PLA2G5: variants seen among roughly 807,000 people sequenced by gnomAD.
The protein encoded by PLA2G5 is phospholipase A2 group V.
A neutral mutation model predicts 15.9 loss-of-function variants in PLA2G5; 12 were observed. The observed-to-expected ratio is 0.76, with a 90% CI of 0.48 to 1.23. PLA2G5 has a LOEUF of 1.23. PLA2G5 is among the 50% of genes most tolerant of loss of function. The pLI, the probability that PLA2G5 is intolerant of heterozygous loss-of-function variation, is 0.00. For synonymous variants in PLA2G5, 71 were observed against 71.4 expected (o/e 0.99, Z 0.03); for missense variants, 169 against 177.1 (o/e 0.95, Z 0.26).
intron 1 of PLA2G5, among the ~76,000 whole-genome samples, chr1:20,051,210 G>C (rs1238448359): frequency 2.0e-5 from 3 of 152,120 alleles, no homozygotes; most frequent in Non-Finnish European, 4.4e-5. Context: ...CAATTGTCTT[G>C]TTTAGGTCCT....
chr1:20,042,446 A>G (rs936235824), intron 1 of PLA2G5, among the ~76,000 whole-genome samples: 1 of 152,196 alleles, frequency 6.6e-6, no homozygotes, highest in Non-Finnish European at 1.5e-5. Flanking sequence ...GTTTGGACAG[A>G]AAGGCTACAG....
At chr1:20,032,094 G>A (rs2012983738) in intron 1 of PLA2G5, among the ~76,000 whole-genome samples, 2 of 152,172 alleles carry the variant, frequency 1.3e-5, no homozygotes, top group South Asian at 4.1e-4. Context: ...AATGGGAGAA[G>A]TGAAGTTCAG....
chr1:20,052,129 G>A (rs1007017531), intron 1 of PLA2G5, among the ~76,000 whole-genome samples: 7 of 142,040 alleles, frequency 4.9e-5, no homozygotes, highest in Admixed American at 7.3e-5. Flanking sequence ...TGCCGAGATC[G>A]CGCCACTGCA....
upstream of PLA2G5, among the ~76,000 whole-genome samples, chr1:20,070,013 T>C (rs1160067797): frequency 6.6e-6 from 1 of 151,824 alleles, no homozygotes; most frequent in African/African-American, 2.4e-5. Flanking sequence ...AGGACTGAGG[T>C]AGGGGTTACT....
intron 1 of PLA2G5, among the ~76,000 whole-genome samples, chr1:20,042,528 C>T (rs553222673): frequency 4.6e-5 from 7 of 152,066 alleles, no homozygotes; most frequent in South Asian, 2.1e-4. Flanking sequence ...TAATGAAAAG[C>T]GTTGGGATGA....
At chr1:20,087,622 C>T (rs1262689073) in intron 3 of PLA2G5, among the ~76,000 whole-genome samples, 1 of 152,056 alleles carries the variant, frequency 6.6e-6, no homozygotes, top group Non-Finnish European at 1.5e-5. Flanking sequence ...TAGCAACAAG[C>T]ACACTTAATG....
rs1445474753 is a variant in PLA2G5, at chr1:20,086,101, G to T, written c.59G>T (p.Gly20Val). ...CTTCCAGGTGTGCCTGCTGTGCAAGGAGGCTTGCTGGACCTAAAATCAATG... is the reference window on the plus strand; with the variant it reads ...CTTCCAGGTGTGCCTGCTGTGCAAGTAGGCTTGCTGGACCTAAAATCAATG... Reference protein sequence around the residue: ...FLACSVPAVQGGLLDLKSMIE... With the variant: ...FLACSVPAVQVGLLDLKSMIE... Residue 20 changes from glycine to valine, a missense_variant, in exon 3 of 5, where the codon GGA becomes GTA. By Grantham distance (109) the Gly-to-Val change is moderately radical. Transcript: ENST00000375108. The T allele has an allele frequency of 6.2e-7, 1 of 1,614,150 alleles. No homozygotes were observed. The highest frequency in any genetic ancestry group is 2.2e-5 in the East Asian group (1 of 44,872).
rs1333018326 is a variant in PLA2G5 at position 20,090,815 on chromosome 1, C to T, written c.*123C>T. 9.8e-7 allele frequency: 1 copy of T among 1,019,706 alleles called. No homozygotes were observed. Among genetic ancestry groups the T allele is most frequent in the Non-Finnish European group, 1.5e-6 (1 of 669,408 alleles). The allele number at this position is 1,019,706 out of a possible 1,614,324, so 63.2% of individuals were successfully genotyped here. ...TCACAGACCTCAGTCTTTCTCGAAG[C>T]TTGGCGGACCCCCAGGGCCACACTG... On this transcript the variant is annotated 3_prime_UTR_variant, in exon 5 of 5. Coordinates refer to ENST00000375108, the MANE Select transcript of PLA2G5 (RefSeq NM_000929.3).
At chr1:20,072,169 A>G (rs990054031) in intron 1 of PLA2G5, among the ~76,000 whole-genome samples, 1 of 151,836 alleles carries the variant, frequency 6.6e-6, no homozygotes, top group Admixed American at 6.6e-5. Context: ...CCCCAAACAC[A>G]CACACTCAGC....
chr1:20,050,950 G>T (rs1394242282), intron 1 of PLA2G5, among the ~76,000 whole-genome samples: 1 of 152,064 alleles, frequency 6.6e-6, no homozygotes, highest in Non-Finnish European at 1.5e-5. Flanking sequence ...TGTTAAATAT[G>T]AAATTGTGTT....
chr1:20,036,753 C>T (rs940560162), intron 1 of PLA2G5, among the ~76,000 whole-genome samples: 3 of 152,180 alleles, frequency 2.0e-5, no homozygotes, highest in Non-Finnish European at 4.4e-5. Flanking sequence ...GCAACCTCTG[C>T]CTCCTGGGTT....
At chr1:20,038,096 T>G (rs2013368851) in intron 1 of PLA2G5, among the ~76,000 whole-genome samples, 1 of 152,146 alleles carries the variant, frequency 6.6e-6, no homozygotes, top group South Asian at 2.1e-4. Context: ...TCATTCCCAC[T>G]GTGCTCCACC....
At chr1:20,089,940 C>T (rs2016487032) in intron 4 of PLA2G5, 45 bp downstream of exon 4, 3 of 1,404,388 alleles carry the variant, frequency 2.1e-6, no homozygotes, top group Non-Finnish European at 3.0e-6. Context: ...GAGCACCTGA[C>T]TTTAAGTTCA....
chr1:20,043,091 G>C lies in PLA2G5; in HGVS notation n.276+14382G>C, dbSNP rs1050573456. Among the ~76,000 whole-genome samples, 6 of 152,168 alleles carry C rather than the reference G, an allele frequency of 3.9e-5. 1 individual carries two copies. Among genetic ancestry groups the C allele is most frequent in the African/African-American group, 1.4e-4 (6 of 41,432 alleles). On this transcript the variant is annotated intron_variant and non_coding_transcript_variant, in intron 1 of 6. Transcript: ENST00000460175. ...CTAGGTATGTTGTTGAGACTGATGG[G>C]TGTCAGGGTCAGTCCAAGTAAAAGC...
upstream of PLA2G5, among the ~76,000 whole-genome samples, chr1:20,067,843 G>T (rs72661081): frequency 0.17 from 26,436 of 152,196 alleles, 2,423 homozygotes; most frequent in East Asian, 0.28. Flanking sequence ...GGGAGGCCGG[G>T]CGCGGTGGCT....
chr1:20,035,624 G>A (rs928931449), intron 1 of PLA2G5, among the ~76,000 whole-genome samples: 7 of 152,144 alleles, frequency 4.6e-5, no homozygotes, highest in Non-Finnish European at 1.0e-4. Flanking sequence ...TGTGATAGAT[G>A]AGTTTCTTGA....
chr1:20,064,584 A>T (rs547436005), intron 2 of PLA2G5, among the ~76,000 whole-genome samples: 17 of 147,092 alleles, frequency 1.2e-4, no homozygotes, highest in African/African-American at 3.7e-4. Flanking sequence ...CAAAAAAGGA[A>T]AAAAAAAAAA....
rs193295822 is a variant in PLA2G5 at position 20,070,361 on chromosome 1, G to A, written c.-115G>A. 16 of 985,470 alleles carry A rather than the reference G, an allele frequency of 1.6e-5. No individual in the cohort carries two copies. In the East Asian group the frequency reaches 5.7e-4, roughly 35 times the overall value. 61.0% of individuals were successfully genotyped at this position (985,470 alleles called of 1,614,324 possible). On this transcript the variant is annotated 5_prime_UTR_variant, in exon 1 of 5. Coordinates refer to ENST00000375108, the MANE Select transcript of PLA2G5 (RefSeq NM_000929.3). ...CATGGTCTGTGGATACCAATGTTCC[G>A]ACTGGAGACGGGGAGCCCGCGAGAC... is the stretch of plus-strand genomic sequence containing the variant.
chr1:20,042,840 A>G (rs1336885138), intron 1 of PLA2G5, among the ~76,000 whole-genome samples: 1 of 152,104 alleles, frequency 6.6e-6, no homozygotes, highest in Non-Finnish European at 1.5e-5. Context: ...ATGGATGAGG[A>G]AGAAATTTGG....
Sources: gnomAD v4.1 joint callset for allele counts (sites outside exome capture counted in the v4.1 genomes callset) on GRCh38, gnomAD v4.1.1 for gene constraint, MANE v1.5 for transcripts, NCBI Gene and HGNC (gene_info 2026-07-23, HGNC 2026-07-21) for gene names.